The following EIF4G3 variants were observed in gnomAD, a reference collection of about 807,000 sequenced individuals.
EIF4G3 encodes the protein eukaryotic translation initiation factor 4 gamma 3, also known as eIF-4-gamma 3.
Under a neutral mutation model 186.4 loss-of-function variants are expected in EIF4G3, and 34 were observed. That is an observed-to-expected ratio of 0.18 (90% CI 0.14 to 0.24). The LOEUF is 0.24. Ranked by LOEUF, EIF4G3 falls within the 10% of genes least tolerant of loss-of-function variation. The pLI is 1.00. For missense variants in EIF4G3, 1,536 were observed against 1,948.5 expected (o/e 0.79, Z 3.99); for synonymous variants, 673 against 679.5 (o/e 0.99, Z 0.15).
intron 14 of EIF4G3, among the ~76,000 whole-genome samples, chr1:20,915,031 T>C (rs1366294449): frequency 3.3e-5 from 5 of 152,204 alleles, no homozygotes; most frequent in African/African-American, 1.2e-4. Context: ...ATCTCTACTT[T>C]TTGAATATGT....
At chr1:21,125,815 G>A (rs1376056700) in intron 2 of EIF4G3, among the ~76,000 whole-genome samples, 2 of 147,150 alleles carry the variant, frequency 1.4e-5, no homozygotes, top group African/African-American at 5.1e-5. Context: ...CTCTTATTAG[G>A]CACTAAGTAT....
At chr1:20,847,886 G>A in intron 29 of EIF4G3, 1 of 469,646 alleles carries the variant, frequency 2.1e-6, no homozygotes, top group South Asian at 1.6e-5. Flanking sequence ...GGCTTTAGAA[G>A]ATTGAACTAT....
intron 30 of EIF4G3, among the ~76,000 whole-genome samples, chr1:20,837,858 G>A (rs2067215259): frequency 6.6e-6 from 1 of 152,084 alleles, no homozygotes; most frequent in Non-Finnish European, 1.5e-5. Context: ...GAAAAAGGTG[G>A]CACTAAATTG....
intron 12 of EIF4G3, among the ~76,000 whole-genome samples, chr1:20,960,860 T>C (rs2154564597): frequency 1.3e-5 from 2 of 152,348 alleles, no homozygotes; most frequent in South Asian, 4.1e-4. Flanking sequence ...TGTTAACATA[T>C]GTCAAAGTAT....
chr1:20,807,839 T>C (rs772459183), intron 36 of EIF4G3, among the ~76,000 whole-genome samples: 2 of 136,768 alleles, frequency 1.5e-5, no homozygotes, highest in African/African-American at 2.7e-5. Flanking sequence ...CTTGGCTCAC[T>C]GCAACCTCTA....
At chr1:20,819,218 G>C (rs1307641314) in intron 33 of EIF4G3, among the ~76,000 whole-genome samples, 1 of 151,870 alleles carries the variant, frequency 6.6e-6, no homozygotes, top group Non-Finnish European at 1.5e-5. Flanking sequence ...CAAGATACAG[G>C]CCAAGTATTT....
intron 4 of EIF4G3, among the ~76,000 whole-genome samples, chr1:21,040,592 A>C (rs2093511349): frequency 6.6e-6 from 1 of 152,162 alleles, no homozygotes; most frequent in Non-Finnish European, 1.5e-5. Context: ...GAATGTTTTT[A>C]ATCTTTCTGT....
At chr1:20,982,909 G>A (rs2078613125) in intron 7 of EIF4G3, among the ~76,000 whole-genome samples, 1 of 152,010 alleles carries the variant, frequency 6.6e-6, no homozygotes, top group Non-Finnish European at 1.5e-5. Context: ...TAACTAATCA[G>A]GTATATAAGA....
intron 2 of EIF4G3, among the ~76,000 whole-genome samples, chr1:21,115,627 GA>G (rs558904147): frequency 1.9e-4 from 29 of 151,942 alleles, no homozygotes; most frequent in East Asian, 3.9e-4. Context: ...AAATGAAGGG[GA>G]AAAAAAATGT....
intron 2 of EIF4G3, among the ~76,000 whole-genome samples, chr1:21,136,514 A>C (rs1474192844): frequency 6.6e-6 from 1 of 151,984 alleles, no homozygotes; most frequent in East Asian, 1.9e-4. Flanking sequence ...GAGACTCCGT[A>C]TCAAAAAAAA....
At chr1:20,875,113 G>C (rs983917603) in intron 20 of EIF4G3, among the ~76,000 whole-genome samples, 3 of 16,452 alleles carry the variant, frequency 1.8e-4, no homozygotes, top group African/African-American at 2.1e-4. Flanking sequence ...CTAGTAGCTG[G>C]GACTACAGGT....
At chr1:21,138,406 T>A (rs1435215983) in intron 2 of EIF4G3, among the ~76,000 whole-genome samples, 1 of 152,190 alleles carries the variant, frequency 6.6e-6, no homozygotes, top group African/African-American at 2.4e-5. Flanking sequence ...ATGCACAAGT[T>A]CACTCCAAAC....
chr1:20,808,180 G>A (rs1027153584), intron 36 of EIF4G3, among the ~76,000 whole-genome samples: 9 of 151,600 alleles, frequency 5.9e-5, no homozygotes, highest in African/African-American at 2.2e-4. Context: ...CACCGTGCCC[G>A]GCCCAATCTG....
At position 21,066,715 on chromosome 1, in the gene EIF4G3, T is replaced by G. The variant is rs535213941; in HGVS notation, c.-195-15721A>C. ...CAGTAAAAACTGATCGTTCTATTCA[T>G]GACAACAACTTCATGGCAATAATAA... is the stretch of plus-strand genomic sequence containing the variant. On this transcript the variant is annotated intron_variant, in intron 3 of 36. Transcript: ENST00000602326. 8.5e-5 allele frequency among the ~76,000 whole-genome samples: 13 copies of G among 152,336 alleles called. No homozygotes were observed. The South Asian group carries it at 2.5e-3, about 29-fold the overall frequency.
intron 3 of EIF4G3, among the ~76,000 whole-genome samples, chr1:21,078,622 T>C (rs1298645766): frequency 6.6e-6 from 1 of 152,210 alleles, no homozygotes; most frequent in Non-Finnish European, 1.5e-5. Context: ...ACACAAAAGA[T>C]AAATATTTGA....
chr1:20,934,081 A>C (rs1346636341), intron 14 of EIF4G3, among the ~76,000 whole-genome samples: 1 of 152,184 alleles, frequency 6.6e-6, no homozygotes, highest in Non-Finnish European at 1.5e-5. Context: ...AATGCTAGCT[A>C]ACAAGGGTGA....
At chr1:20,973,133 G>A (rs563523459) in intron 10 of EIF4G3, 34 bp from the exon 11 acceptor site, 5 of 1,517,070 alleles carry the variant, frequency 3.3e-6, no homozygotes, top group Non-Finnish European at 4.6e-6. Flanking sequence ...TAGGCATTCA[G>A]TTATTTTGTC....
At chr1:20,912,055 T>G (rs1346104807) in intron 14 of EIF4G3, among the ~76,000 whole-genome samples, 1 of 152,144 alleles carries the variant, frequency 6.6e-6, no homozygotes, top group Non-Finnish European at 1.5e-5. Context: ...ATTGGAGCAC[T>G]GCTTGAGCCT....
rs552857193 is a variant in EIF4G3, at chr1:21,168,034, T to G, written c.-272+8141A>C. 111 of 470,584 alleles carry G rather than the reference T, an allele frequency of 2.4e-4. 1 individual carries two copies. Among genetic ancestry groups the G allele is most frequent in the South Asian group, 1.7e-3 (110 of 64,452 alleles). 29.2% of individuals were successfully genotyped at this position (470,584 alleles called of 1,614,324 possible). ...AAGCTAAAAGCCAAAGGTGAAAAAA[T>G]ATTCCCAAGAAAAGCATTCCAAATA... On this transcript the variant is annotated intron_variant, in intron 2 of 36. Transcript: ENST00000602326.
Sources: gnomAD v4.1 joint callset for allele counts (sites outside exome capture counted in the v4.1 genomes callset) on GRCh38, gnomAD v4.1.1 for gene constraint, MANE v1.5 for transcripts, NCBI Gene and HGNC (gene_info 2026-07-23, HGNC 2026-07-21) for gene names.